The following PRKCE variants were observed in gnomAD, a reference collection of about 807,000 sequenced individuals.
PRKCE encodes the protein protein kinase C epsilon type.
Under a neutral mutation model 85.4 loss-of-function variants are expected in PRKCE, and 16 were observed. The ratio of observed to expected loss-of-function variants is 0.19; its 90% CI spans 0.13 to 0.28. The LOEUF (loss-of-function observed/expected upper bound fraction) is 0.28. Among genes scored for constraint, PRKCE ranks in the 10% least tolerant of loss-of-function variants. PRKCE has a pLI of 1.00. For missense variants in PRKCE, 573 were observed against 975.2 expected (o/e 0.59, Z 5.49); for synonymous variants, 388 against 371.5 (o/e 1.04, Z -0.51).
rs749723199 is a variant in PRKCE, at chr2:46,010,501, G to A, written c.1421G>A (p.Cys474Tyr). 3.8e-6 allele frequency: 6 copies of A among 1,599,648 alleles called. 1 individual carries two copies. The South Asian group carries it at 6.6e-5, about 18-fold the overall frequency. Residue 474 changes from cysteine to tyrosine, a missense_variant, in exon 10 of 15, where the codon TGC (cysteine) becomes TAC (tyrosine). This residue lies in a region of PRKCE where 89 missense variants were observed against 154.1 expected (regional missense o/e 0.58). Coordinates refer to ENST00000306156, the MANE Select transcript of PRKCE (RefSeq NM_005400.3). ...RKHPYLTQLY[C>Y]CFQTKDRLFF... ...CACCCGTACCTTACCCAACTCTACT[G>A]CTGCTTCCAGACCAAGGTATGTTAG...
chr2:45,765,644 A>G (rs1359103849), intron 1 of PRKCE, among the ~76,000 whole-genome samples: 1 of 152,068 alleles, frequency 6.6e-6, no homozygotes, highest in Non-Finnish European at 1.5e-5. Flanking sequence ...GAAAGCATTT[A>G]TGAAAAGAGG....
chr2:45,924,364 GT>G (rs1698463359), intron 2 of PRKCE, among the ~76,000 whole-genome samples: 1 of 152,196 alleles, frequency 6.6e-6, no homozygotes, highest in Admixed American at 6.5e-5. Flanking sequence ...TAGACCAGTT[GT>G]TTTTGAATAG....
intron 2 of PRKCE, among the ~76,000 whole-genome samples, chr2:45,968,493 G>T (rs1701883713): frequency 1.3e-5 from 2 of 152,166 alleles, no homozygotes; most frequent in African/African-American, 4.8e-5. Context: ...GGATGGGAGG[G>T]AGGTGATGAT....
chr2:45,786,989 A>G lies in PRKCE; in HGVS notation c.349-56011A>G, dbSNP rs1686649199. Among the ~76,000 whole-genome samples the G allele has an allele frequency of 6.6e-6, 1 of 152,194 alleles. No homozygotes were observed. Among genetic ancestry groups the G allele is most frequent in the Non-Finnish European group, 1.5e-5 (1 of 68,028 alleles). On this transcript the variant is annotated intron_variant, in intron 1 of 14. Transcript: ENST00000306156. This position sits in a 1 kb window ranked among gnomAD's most constrained non-coding sequence, Gnocchi z 5.3. ...ACTTGAGGCTTTGGTTCAAGTCGGGATTTCCCATCGGTTTCCCCTGGATCC... is the reference window on the plus strand; with the variant it reads ...ACTTGAGGCTTTGGTTCAAGTCGGGGTTTCCCATCGGTTTCCCCTGGATCC...
At position 45,893,108 on chromosome 2, in the gene PRKCE, C is replaced by T. The variant is rs1160650415; in HGVS notation, c.412+50045C>T. ...CAGGCCATATTCACAGCAAAGTTCA[C>T]ATGCAGAAGAATGAGAAGGGAAAGT... is the stretch of plus-strand genomic sequence containing the variant. On this transcript the variant is annotated intron_variant, in intron 2 of 14. Coordinates refer to ENST00000306156, the MANE Select transcript of PRKCE (RefSeq NM_005400.3). 4.6e-5 allele frequency among the ~76,000 whole-genome samples: 7 copies of T among 152,158 alleles called. No individual in the cohort carries two copies. In the East Asian group the frequency reaches 1.3e-3, roughly 29 times the overall value.
intron 6 of PRKCE, among the ~76,000 whole-genome samples, chr2:45,996,289 A>G (rs1368062841): frequency 6.6e-6 from 1 of 152,198 alleles, no homozygotes; most frequent in Non-Finnish European, 1.5e-5. Context: ...GGACAATCAT[A>G]TCATCTACAA....
intron 14 of PRKCE, among the ~76,000 whole-genome samples, chr2:46,167,474 G>A (rs141240753): frequency 2.5e-4 from 38 of 152,268 alleles, no homozygotes; most frequent in African/African-American, 8.2e-4. Context: ...AGGGGCTGAC[G>A]GGCCAGGAGT....
chr2:46,098,239 G>A (rs68178013), intron 11 of PRKCE, among the ~76,000 whole-genome samples: 23,367 of 152,014 alleles, frequency 0.15, 2,073 homozygotes, highest in Middle Eastern at 0.25. Context: ...CTGCCTCTGC[G>A]CTCATTAGAT....
At chr2:45,936,121 T>C (rs1052925852) in intron 2 of PRKCE, among the ~76,000 whole-genome samples, 1 of 152,160 alleles carries the variant, frequency 6.6e-6, no homozygotes, top group Non-Finnish European at 1.5e-5. Flanking sequence ...GGGCAGGCAC[T>C]GAGGGCCAGC....
chr2:45,757,232 C>T (rs750505373), intron 1 of PRKCE, among the ~76,000 whole-genome samples: 1 of 143,346 alleles, frequency 7.0e-6, no homozygotes, highest in Non-Finnish European at 1.5e-5. Flanking sequence ...CACTTGAACC[C>T]AGGAGGCGGA....
chr2:45,932,652 A>G (rs1396789695), intron 2 of PRKCE, among the ~76,000 whole-genome samples: 2 of 152,220 alleles, frequency 1.3e-5, no homozygotes, highest in Admixed American at 6.5e-5. Context: ...ACAAAACATT[A>G]AATTTACCAT....
At chr2:45,849,004 G>C (rs1692025723) in intron 2 of PRKCE, among the ~76,000 whole-genome samples, 1 of 152,168 alleles carries the variant, frequency 6.6e-6, no homozygotes, top group South Asian at 2.1e-4. Context: ...CAGCTTTGAA[G>C]CTCTTATTTT....
intron 2 of PRKCE, among the ~76,000 whole-genome samples, chr2:45,945,573 C>A (rs977713524): frequency 2.0e-5 from 3 of 152,208 alleles, no homozygotes; most frequent in Non-Finnish European, 4.4e-5. Context: ...ATCAGCCAGG[C>A]TACACCACAA....
chr2:45,830,564 T>C (rs1690340804), intron 1 of PRKCE, among the ~76,000 whole-genome samples: 1 of 152,076 alleles, frequency 6.6e-6, no homozygotes. Context: ...AGAAAGAAAA[T>C]GAAGAAGAGG....
At chr2:46,003,199 G>C (rs773090077) in intron 7 of PRKCE, among the ~76,000 whole-genome samples, 4 of 152,208 alleles carry the variant, frequency 2.6e-5, no homozygotes, top group South Asian at 2.1e-4. Context: ...AAGCTCAAAG[G>C]CTTCTTTGCA....
chr2:45,793,834 T>C (rs1573380754), intron 1 of PRKCE, among the ~76,000 whole-genome samples: 1 of 152,352 alleles, frequency 6.6e-6, no homozygotes, highest in South Asian at 2.1e-4. Flanking sequence ...GGTCTCACAC[T>C]GACTGGTGAA....
intron 1 of PRKCE, among the ~76,000 whole-genome samples, chr2:45,768,019 C>G (rs1365114766): frequency 6.6e-6 from 1 of 152,210 alleles, no homozygotes; most frequent in African/African-American, 2.4e-5. Context: ...GGAGCTATTC[C>G]TTGGCATTGG....
At chr2:45,900,951 A>G (rs1409289336) in intron 2 of PRKCE, among the ~76,000 whole-genome samples, 1 of 152,232 alleles carries the variant, frequency 6.6e-6, no homozygotes, top group Admixed American at 6.5e-5. Context: ...GTAAGGCAAT[A>G]CAGGTACTGT....
intron 1 of PRKCE, among the ~76,000 whole-genome samples, chr2:45,707,275 C>G (rs769152957): frequency 2.6e-5 from 4 of 152,230 alleles, no homozygotes; most frequent in Non-Finnish European, 5.9e-5. Flanking sequence ...AATGTGGAGG[C>G]TGCTGCCTTT....
Sources: gnomAD v4.1 joint callset for allele counts (sites outside exome capture counted in the v4.1 genomes callset) on GRCh38, gnomAD v4.1.1 for gene constraint, gnomAD v4.1.1 regional missense constraint, Gnocchi (gnomAD v3.1) non-coding constraint, MANE v1.5 for transcripts, NCBI Gene and HGNC (gene_info 2026-07-23, HGNC 2026-07-21) for gene names.